The following FBXO11 variants were observed in gnomAD, a reference collection of about 807,000 sequenced individuals.
FBXO11 encodes the protein F-box protein 11, also known as F-box only protein 11.
FBXO11 carries 13 observed loss-of-function variants against 117.0 expected under a neutral mutation model. That is an observed-to-expected ratio of 0.11 (90% CI 0.07 to 0.18). The LOEUF (loss-of-function observed/expected upper bound fraction) is 0.18, where lower values mean the gene tolerates loss of function less well. Among genes scored for constraint, FBXO11 ranks in the 10% least tolerant of loss-of-function variants. The pLI is 1.00. For missense variants in FBXO11, 767 were observed against 1,164.4 expected (o/e 0.66, Z 4.97); for synonymous variants, 490 against 380.5 (o/e 1.29, Z -3.35).
chr2:47,860,690 A>G (rs1674695130), intron 1 of FBXO11, among the ~76,000 whole-genome samples: 1 of 151,356 alleles, frequency 6.6e-6, no homozygotes, highest in Non-Finnish European at 1.5e-5. Context: ...TACATGCGTG[A>G]GCCACCACGC....
Position 47,905,518 on chromosome 2 carries a change from GGCA to G in FBXO11, c.200_202del (p.Leu67del). The G allele has an allele frequency of 1.6e-6, 2 of 1,234,442 alleles. No homozygotes were observed. Among genetic ancestry groups the G allele is most frequent in the Non-Finnish European group, 2.0e-6 (2 of 991,252 alleles). 76.5% of individuals were successfully genotyped at this position (1,234,442 alleles called of 1,614,324 possible). A position where few individuals can be genotyped will look rare whatever the true frequency, so the allele number is the denominator to read the frequency against. On this transcript the variant is annotated inframe_deletion, in exon 1 of 23. Coordinates refer to ENST00000403359, the MANE Select transcript of FBXO11 (RefSeq NM_001190274.2). The stretch of plus-strand genomic sequence containing the variant: ...CTCGCCGACGTTGTTCCGCTCCTGA[GGCA>G]GCGGCGGAGGCGGCGGTGGCGGCGG...
At chr2:47,808,507 G>A (rs1314758891) in intron 21 of FBXO11, 80 bp from the exon 22 acceptor site, 9 of 1,296,520 alleles carry the variant, frequency 6.9e-6, no homozygotes, top group Non-Finnish European at 8.4e-6. Flanking sequence ...ATATTACTAT[G>A]ACCTTTGGCT....
chr2:47,872,964 A>T (rs983703202), intron 1 of FBXO11, among the ~76,000 whole-genome samples: 7 of 147,112 alleles, frequency 4.8e-5, no homozygotes, highest in Non-Finnish European at 7.4e-5. Flanking sequence ...AACCCACATT[A>T]AAAAAAATCT....
chr2:47,820,491 G>T, intron 13 of FBXO11, 35 bp from the exon 14 acceptor site: 1 of 1,509,430 alleles, frequency 6.6e-7, no homozygotes, highest in Non-Finnish European at 9.2e-7. Context: ...GTCAACATTT[G>T]TGAGCCTAGA....
intron 1 of FBXO11, among the ~76,000 whole-genome samples, chr2:47,891,581 T>C (rs1677261123): frequency 6.6e-6 from 1 of 152,212 alleles, no homozygotes; most frequent in Admixed American, 6.5e-5. Flanking sequence ...ATTATAAACA[T>C]GGGAGTGCTA....
At chr2:47,823,088 T>G in intron 12 of FBXO11, 55 bp downstream of exon 12, 1 of 1,326,016 alleles carries the variant, frequency 7.5e-7, no homozygotes, top group Non-Finnish European at 1.0e-6. Context: ...ATCTTGACTT[T>G]TAAGCAAACC....
intron 21 of FBXO11, chr2:47,808,870 TTTG>T (rs1670413568): frequency 3.4e-6 from 1 of 291,646 alleles, no homozygotes; most frequent in South Asian, 7.5e-5. Context: ...TGGTCTTTGT[TTTG>T]TTTTGTAGAG....
intron 1 of FBXO11, among the ~76,000 whole-genome samples, chr2:47,887,778 T>C (rs1288588648): frequency 6.6e-6 from 1 of 152,168 alleles, no homozygotes; most frequent in African/African-American, 2.4e-5. Context: ...GGAGGATCAC[T>C]TGAGCCTGGG....
chr2:47,900,653 TATACACACACGTACGTATATAC>T (rs1678091692), intron 1 of FBXO11, among the ~76,000 whole-genome samples: 1 of 113,416 alleles, frequency 8.8e-6, no homozygotes, highest in Non-Finnish European at 1.9e-5. Flanking sequence ...TATACACACG[TATACACACACGTACGTATATAC>T]ACACGTATAC....
In FBXO11 at chr2:47,889,743, G is replaced by A. The variant is rs192850864; in HGVS notation, c.232+15746C>T. On this transcript the variant is annotated intron_variant, in intron 1 of 22. Transcript: ENST00000403359. ...CTTCACAGGTAAACTCAAGTTTTACGAAAAGAAAATATTCCCCACATAAAA... is the reference window on the plus strand; with the variant it reads ...CTTCACAGGTAAACTCAAGTTTTACAAAAAGAAAATATTCCCCACATAAAA... Among the ~76,000 whole-genome samples the A allele has an allele frequency of 8.4e-4, 127 of 151,392 alleles. 1 individual carries two copies. The highest frequency in any genetic ancestry group is 2.9e-3 in the African/African-American group (120 of 41,258).
intron 1 of FBXO11, among the ~76,000 whole-genome samples, chr2:47,895,479 T>C (rs1222496990): frequency 6.6e-6 from 1 of 152,006 alleles, no homozygotes; most frequent in African/African-American, 2.4e-5. Context: ...ATCAGAAAGA[T>C]GGGGTTGGGA....
intron 11 of FBXO11, among the ~76,000 whole-genome samples, chr2:47,823,589 C>T (rs1419736866): frequency 6.6e-6 from 1 of 151,824 alleles, no homozygotes; most frequent in Non-Finnish European, 1.5e-5. Context: ...CCCGTCTCTA[C>T]TAAAAATACA....
intron 1 of FBXO11, among the ~76,000 whole-genome samples, chr2:47,859,616 G>C (rs370617939): frequency 3.3e-5 from 5 of 152,270 alleles, no homozygotes; most frequent in Middle Eastern, 3.4e-3. Context: ...CTTTACTCTT[G>C]TCTTTCTTAT....
intron 1 of FBXO11, among the ~76,000 whole-genome samples, chr2:47,858,057 G>C (rs1181866821): frequency 6.6e-6 from 1 of 152,002 alleles, no homozygotes; most frequent in African/African-American, 2.4e-5. Flanking sequence ...ATTGCCTTGG[G>C]TCACTATAAA....
At chr2:47,816,069 G>A (rs910094769) in intron 16 of FBXO11, among the ~76,000 whole-genome samples, 7 of 152,294 alleles carry the variant, frequency 4.6e-5, no homozygotes, top group African/African-American at 7.2e-5. Flanking sequence ...GGCCAAGGGC[G>A]GTGAGAACCC....
At chr2:47,828,307 CA>C (rs1486244015) in intron 11 of FBXO11, among the ~76,000 whole-genome samples, 1 of 152,132 alleles carries the variant, frequency 6.6e-6, no homozygotes, top group Non-Finnish European at 1.5e-5. Flanking sequence ...ATGCAAACCA[CA>C]AAAGTTCCAA....
intron 16 of FBXO11, chr2:47,818,502 A>G (rs1671161471): frequency 3.2e-6 from 1 of 315,084 alleles, no homozygotes; most frequent in South Asian, 1.1e-4. Context: ...CCACTCTCCA[A>G]GTATGAAGGA....
intron 11 of FBXO11, among the ~76,000 whole-genome samples, chr2:47,826,766 CTTTTT>C (rs1171889015): frequency 1.3e-5 from 2 of 152,084 alleles, no homozygotes; most frequent in African/African-American, 4.8e-5. Flanking sequence ...ATCACCTCTT[CTTTTT>C]ATTTATTTTT....
At chr2:47,835,468 T>C (rs1159752168) in intron 5 of FBXO11, among the ~76,000 whole-genome samples, 7 of 152,216 alleles carry the variant, frequency 4.6e-5, no homozygotes. Flanking sequence ...AATATTCTGT[T>C]GGTTGATAAA....
Sources: allele counts gnomAD v4.1 joint callset (sites outside exome capture counted in the v4.1 genomes callset), GRCh38; gene constraint gnomAD v4.1.1; transcripts MANE v1.5; gene names NCBI Gene and HGNC (gene_info 2026-07-23, HGNC 2026-07-21).